PPP1R9A: variants seen among roughly 807,000 people sequenced by gnomAD.
The protein encoded by PPP1R9A is protein phosphatase 1 regulatory subunit 9A.
Under a neutral mutation model 141.9 loss-of-function variants are expected in PPP1R9A, and 59 were observed. The ratio of observed to expected loss-of-function variants is 0.42; its 90% CI spans 0.34 to 0.52. The LOEUF (loss-of-function observed/expected upper bound fraction) is 0.52, where lower values mean the gene tolerates loss of function less well. Among genes scored for constraint, PPP1R9A ranks in the 20% least tolerant of loss-of-function variants. The pLI is 0.10. For synonymous variants in PPP1R9A, 500 were observed against 569.7 expected, an observed-to-expected ratio of 0.88 and a Z score of 1.74; for missense variants, 1,444 against 1,611.9, an observed-to-expected ratio of 0.90 and a Z score of 1.78.
chr7:95,255,754 T>A (rs774528983), intron 12 of PPP1R9A, among the ~76,000 whole-genome samples: 3 of 152,078 alleles, frequency 2.0e-5, no homozygotes, highest in Non-Finnish European at 4.4e-5. Flanking sequence ...TTAGCATAAT[T>A]TTTTTTCTGA....
chr7:95,144,315 TAAG>T (rs1483178080), intron 4 of PPP1R9A, among the ~76,000 whole-genome samples: 12 of 152,292 alleles, frequency 7.9e-5, no homozygotes, highest in African/African-American at 2.9e-4. Flanking sequence ...TTGCAAATAA[TAAG>T]ATTTCCTTTT....
At chr7:95,246,929 A>G (rs145572421) in intron 8 of PPP1R9A, among the ~76,000 whole-genome samples, 30 of 152,268 alleles carry the variant, frequency 2.0e-4, no homozygotes, top group African/African-American at 7.2e-4. Flanking sequence ...CTTTCCTGCA[A>G]TTAAAAGAAA....
intron 8 of PPP1R9A, among the ~76,000 whole-genome samples, chr7:95,243,037 A>G (rs1797672553): frequency 6.6e-6 from 1 of 152,134 alleles, no homozygotes. Context: ...AGAAAACTCA[A>G]CCTTTTACCA....
intron 8 of PPP1R9A, among the ~76,000 whole-genome samples, chr7:95,228,701 C>T (rs188053036): frequency 7.6e-4 from 116 of 152,192 alleles, no homozygotes; most frequent in Admixed American, 2.4e-3. Context: ...TTGAAAAATA[C>T]GCTGCATTTT....
At chr7:94,999,809 ATTTATTTATT>A (rs1802655093) in intron 2 of PPP1R9A, among the ~76,000 whole-genome samples, 1 of 150,866 alleles carries the variant, frequency 6.6e-6, no homozygotes, top group Non-Finnish European at 1.5e-5. Context: ...TTATTTATTT[ATTTATTTATT>A]TAGATAGAGT....
chr7:95,265,988 A>G (rs1408028671), intron 12 of PPP1R9A, among the ~76,000 whole-genome samples: 1 of 152,196 alleles, frequency 6.6e-6, no homozygotes, highest in Admixed American at 6.6e-5. Flanking sequence ...GTTGTCTGAC[A>G]CAAGCACCAG....
chr7:95,279,526 A>T (rs959464569), intron 16 of PPP1R9A, among the ~76,000 whole-genome samples: 38 of 152,100 alleles, frequency 2.5e-4, no homozygotes, highest in African/African-American at 8.0e-4. Context: ...TATCAATTTA[A>T]TATTCAGTTT....
chr7:95,220,699 C>A (rs1436406385), intron 7 of PPP1R9A, among the ~76,000 whole-genome samples: 2 of 152,058 alleles, frequency 1.3e-5, no homozygotes, highest in Non-Finnish European at 2.9e-5. Context: ...CTGGCACTCT[C>A]TAGGAATGTT....
chr7:94,924,310 G>T (rs1418076033), intron 2 of PPP1R9A, among the ~76,000 whole-genome samples: 3 of 152,164 alleles, frequency 2.0e-5, no homozygotes, highest in African/African-American at 7.2e-5. Context: ...TTTCCATAGA[G>T]ACTATGACAC....
chr7:95,090,776 C>G (rs945293947), intron 2 of PPP1R9A, among the ~76,000 whole-genome samples: 2 of 151,910 alleles, frequency 1.3e-5, no homozygotes, highest in Admixed American at 1.3e-4. Context: ...CCACTGTACT[C>G]CAGCCTCGGC....
chr7:94,986,275 A>G (rs1800822674), intron 2 of PPP1R9A, among the ~76,000 whole-genome samples: 1 of 152,178 alleles, frequency 6.6e-6, no homozygotes, highest in Non-Finnish European at 1.5e-5. Context: ...CTCTTATAAT[A>G]AAATTATTAA....
chr7:94,992,310 C>T (rs561018578), intron 2 of PPP1R9A, among the ~76,000 whole-genome samples: 42 of 152,276 alleles, frequency 2.8e-4, no homozygotes, highest in Non-Finnish European at 5.9e-4. Context: ...AGTATCAATA[C>T]TTTCTAACTT....
At chr7:95,288,412 G>T (rs948039084) in intron 18 of PPP1R9A, 124 bp from the exon 19 acceptor site, 1 of 1,360,420 alleles carries the variant, frequency 7.4e-7, no homozygotes, top group Non-Finnish European at 9.7e-7. Flanking sequence ...AGAACCATTA[G>T]CTTATCATAT....
At chr7:95,146,637 A>G (rs945020010) in intron 4 of PPP1R9A, among the ~76,000 whole-genome samples, 2 of 152,152 alleles carry the variant, frequency 1.3e-5, no homozygotes, top group African/African-American at 4.8e-5. Flanking sequence ...TAGGTCTTAC[A>G]TTTAAATCTT....
intron 2 of PPP1R9A, among the ~76,000 whole-genome samples, chr7:94,987,190 T>C (rs761326981): frequency 5.3e-5 from 8 of 152,218 alleles, no homozygotes; most frequent in Non-Finnish European, 5.9e-5. Flanking sequence ...TTCAAACCTT[T>C]TTCTCTTTTA....
chr7:95,250,606 T>G (rs953900548), intron 10 of PPP1R9A, among the ~76,000 whole-genome samples: 4 of 152,212 alleles, frequency 2.6e-5, no homozygotes, highest in Admixed American at 2.6e-4. Context: ...GTAGAATGAC[T>G]GACTATTGGA....
intron 4 of PPP1R9A, among the ~76,000 whole-genome samples, chr7:95,157,605 G>C (rs1156986335): frequency 6.6e-6 from 1 of 152,222 alleles, no homozygotes; most frequent in Non-Finnish European, 1.5e-5. Context: ...GATGGCAGCG[G>C]CAGGCCGTCT....
chr7:95,070,383 C>T (rs1813589409), intron 2 of PPP1R9A, among the ~76,000 whole-genome samples: 1 of 151,706 alleles, frequency 6.6e-6, no homozygotes, highest in Non-Finnish European at 1.5e-5. Context: ...GAAATAATTG[C>T]TTGAGTAAAC....
intron 5 of PPP1R9A, among the ~76,000 whole-genome samples, chr7:95,189,371 C>T: frequency 6.6e-6 from 1 of 151,566 alleles, no homozygotes; most frequent in Non-Finnish European, 1.5e-5. Context: ...CTCAGGAACA[C>T]CAGTTATTCT....
Sources: allele counts gnomAD v4.1 joint callset (sites outside exome capture counted in the v4.1 genomes callset), GRCh38; gene constraint gnomAD v4.1.1; transcripts MANE v1.5; gene names NCBI Gene and HGNC (gene_info 2026-07-23, HGNC 2026-07-21).